PCDH15: variants seen among roughly 807,000 people sequenced by gnomAD.
PCDH15 encodes protocadherin related 15.
Under a neutral mutation model 178.5 loss-of-function variants are expected in PCDH15, and 129 were observed. That is an observed-to-expected ratio of 0.72 (90% CI 0.63 to 0.84). The LOEUF (loss-of-function observed/expected upper bound fraction) is 0.84. Ranked by LOEUF, PCDH15 falls within the 40% of genes least tolerant of loss-of-function variation. The pLI, the probability that PCDH15 is intolerant of heterozygous loss-of-function variation, is 0.00. For missense variants in PCDH15, 2,230 were observed against 2,099.9 expected (o/e 1.06, Z -1.21); for synonymous variants, 800 against 732.0 (o/e 1.09, Z -1.50).
chr10:55,361,827 T>G (rs1489735995), intron 2 of PCDH15, among the ~76,000 whole-genome samples: 2 of 152,112 alleles, frequency 1.3e-5, no homozygotes, highest in Non-Finnish European at 2.9e-5. Flanking sequence ...TGTACAGTGT[T>G]ATATAGAATA....
At position 53,850,524 on chromosome 10, in the gene PCDH15, T is replaced by C. The variant is rs117058152; in HGVS notation, c.3806+6651A>G. 2.8e-4 allele frequency among the ~76,000 whole-genome samples: 43 copies of C among 152,250 alleles called. No homozygotes were observed. The East Asian group carries it at 8.1e-3, about 29-fold the overall frequency. On this transcript the variant is annotated intron_variant, in intron 28 of 37. Transcript: ENST00000644397. ...ATAAATTTTCTTTCTGTCAAAACAA[T>C]GAATTTCCAAGGCTTTGAATAAAGC...
At chr10:55,407,968 G>T (rs1224072146) in intron 2 of PCDH15, among the ~76,000 whole-genome samples, 1 of 151,944 alleles carries the variant, frequency 6.6e-6, no homozygotes, top group Admixed American at 6.6e-5. Flanking sequence ...CATGTAAGCT[G>T]CAAAAAGGGA....
At chr10:54,630,776 C>T (rs1049597301) in intron 2 of PCDH15, among the ~76,000 whole-genome samples, 10 of 152,092 alleles carry the variant, frequency 6.6e-5, no homozygotes, top group South Asian at 4.1e-4. Flanking sequence ...GTCTAATATC[C>T]GGAGCCTCTA....
intron 1 of PCDH15, among the ~76,000 whole-genome samples, chr10:54,793,133 C>A (rs1035019225): frequency 6.6e-6 from 1 of 151,910 alleles, no homozygotes; most frequent in African/African-American, 2.4e-5. Flanking sequence ...GGAACTGAAC[C>A]TTCATCCCCA....
chr10:54,593,646 T>C (rs897363477), intron 2 of PCDH15, among the ~76,000 whole-genome samples: 5 of 152,146 alleles, frequency 3.3e-5, no homozygotes, highest in African/African-American at 9.7e-5. Flanking sequence ...GTTTAGCTAT[T>C]TGCTATTTGG....
chr10:54,365,616 G>A (rs1946674295), intron 5 of PCDH15, among the ~76,000 whole-genome samples: 1 of 152,012 alleles, frequency 6.6e-6, no homozygotes, highest in African/African-American at 2.4e-5. Context: ...TGGGGGGTGA[G>A]ATGAACCTCA....
chr10:53,989,508 T>A (rs1217640071), intron 21 of PCDH15, among the ~76,000 whole-genome samples: 2 of 152,186 alleles, frequency 1.3e-5, no homozygotes, highest in Admixed American at 6.5e-5. Flanking sequence ...TCCACTGTTG[T>A]TTTAAAGATC....
chr10:54,945,193 A>C (rs1453688882), intron 2 of PCDH15, among the ~76,000 whole-genome samples: 3 of 151,858 alleles, frequency 2.0e-5, no homozygotes, highest in South Asian at 4.1e-4. Flanking sequence ...ATAACAGTGA[A>C]ACTATTTCAA....
Position 54,183,422 on chromosome 10 carries a change from CTT to C in PCDH15, c.1590+20_1590+21del. The C allele has an allele frequency of 6.3e-7, 1 of 1,591,144 alleles. No homozygotes were observed. The highest frequency in any genetic ancestry group is 8.6e-7 in the Non-Finnish European group (1 of 1,159,324). ...TGTAAATAACAGCTTTGAGTGTACACTTATATTATGTGAGTAGTTACCTGTAT... is the reference window on the plus strand; with the variant it reads ...TGTAAATAACAGCTTTGAGTGTACACATATTATGTGAGTAGTTACCTGTAT... On this transcript the variant is annotated intron_variant, in intron 13 of 37. Coordinates refer to ENST00000644397, the MANE Select transcript of PCDH15 (RefSeq NM_001384140.1).
chr10:53,915,186 G>T (rs1479443253), intron 25 of PCDH15, among the ~76,000 whole-genome samples: 1 of 152,132 alleles, frequency 6.6e-6, no homozygotes, highest in Non-Finnish European at 1.5e-5. Flanking sequence ...AGAAAAGAGA[G>T]AAATATGTTA....
At chr10:53,822,118 CTG>C (rs772750448) in intron 32 of PCDH15, 2 of 1,613,472 alleles carry the variant, frequency 1.2e-6, no homozygotes, top group South Asian at 2.2e-5. Flanking sequence ...GTTTTACACA[CTG>C]TCGTTGTTGA....
intron 2 of PCDH15, among the ~76,000 whole-genome samples, chr10:55,110,752 A>G (rs1837482091): frequency 6.6e-6 from 1 of 152,118 alleles, no homozygotes; most frequent in Non-Finnish European, 1.5e-5. Context: ...GATGGCATTC[A>G]TTTGGAGAAA....
At chr10:55,416,876 T>G (rs1432164728) in intron 2 of PCDH15, among the ~76,000 whole-genome samples, 2 of 151,810 alleles carry the variant, frequency 1.3e-5, no homozygotes, top group African/African-American at 4.8e-5. Context: ...GATCTTAATT[T>G]GTGAGTTTAA....
At chr10:55,565,086 C>T (rs1395301832) in intron 2 of PCDH15, among the ~76,000 whole-genome samples, 1 of 151,514 alleles carries the variant, frequency 6.6e-6, no homozygotes, top group African/African-American at 2.4e-5. Flanking sequence ...TTTTCCAGGA[C>T]GGATTATGTG....
At chr10:54,280,093 TA>T (rs978351418) in intron 8 of PCDH15, among the ~76,000 whole-genome samples, 2 of 151,692 alleles carry the variant, frequency 1.3e-5, no homozygotes, top group Non-Finnish European at 3.0e-5. Flanking sequence ...CTTTAATTAT[TA>T]GAAGAAACTT....
intron 2 of PCDH15, among the ~76,000 whole-genome samples, chr10:55,585,177 C>T (rs964961353): frequency 1.3e-5 from 2 of 151,918 alleles, no homozygotes; most frequent in Admixed American, 6.6e-5. Flanking sequence ...TACAGCCTCA[C>T]GGGATTACTG....
intron 28 of PCDH15, among the ~76,000 whole-genome samples, chr10:53,841,170 G>T (rs2077617418): frequency 6.6e-6 from 1 of 152,022 alleles, no homozygotes; most frequent in South Asian, 2.1e-4. Flanking sequence ...CTCATGACTG[G>T]ATTTTAATTG....
chr10:53,839,000 C>A (rs1455471796), intron 29 of PCDH15, among the ~76,000 whole-genome samples: 1 of 151,866 alleles, frequency 6.6e-6, no homozygotes, highest in East Asian at 1.9e-4. Context: ...GTAAGGAGAT[C>A]GAGACCATCC....
At chr10:53,946,809 G>A (rs572688303) in intron 23 of PCDH15, among the ~76,000 whole-genome samples, 36 of 152,220 alleles carry the variant, frequency 2.4e-4, no homozygotes, top group African/African-American at 7.7e-4. Context: ...ACGGAGTCTC[G>A]CTCTATCGCC....
Sources: allele counts gnomAD v4.1 joint callset (sites outside exome capture counted in the v4.1 genomes callset), GRCh38; gene constraint gnomAD v4.1.1; transcripts MANE v1.5; gene names NCBI Gene and HGNC (gene_info 2026-07-23, HGNC 2026-07-21).